The following USH2A variants were observed in gnomAD, a reference collection of about 807,000 sequenced individuals.
USH2A encodes Usher syndrome 2A (autosomal recessive, mild).
Under a neutral mutation model 538.9 loss-of-function variants are expected in USH2A, and 443 were observed. The observed-to-expected ratio is 0.82, with a 90% CI of 0.76 to 0.89. The LOEUF is 0.89. USH2A is among the 40% of genes least tolerant of loss of function. USH2A has a pLI of 0.00. For synonymous variants in USH2A, 2,413 were observed against 2,273.5 expected (o/e 1.06, Z -1.75); for missense variants, 6,633 against 6,324.8 (o/e 1.05, Z -1.65).
intron 49 of USH2A, among the ~76,000 whole-genome samples, chr1:215,806,262 C>T (rs970532903): frequency 2.0e-5 from 3 of 149,428 alleles, no homozygotes; most frequent in Admixed American, 6.6e-5. Context: ...CTTGAATCAA[C>T]ATATTTTTTG....
At chr1:216,094,160 A>G (rs747504700) in intron 22 of USH2A, among the ~76,000 whole-genome samples, 2 of 152,094 alleles carry the variant, frequency 1.3e-5, no homozygotes, top group Non-Finnish European at 2.9e-5. Flanking sequence ...ACAGTCTTCT[A>G]TTTTACTGTA....
Position 216,046,441 on chromosome 1 carries a change from G to A in USH2A, c.6315C>T (p.Tyr2105=). 1 of 1,613,436 alleles carries A rather than the reference G, an allele frequency of 6.2e-7. No individual in the cohort carries two copies. The highest frequency in any genetic ancestry group is 8.5e-7 in the Non-Finnish European group (1 of 1,179,540). ...CTCTAGAGGTCTTACCTGTGACTAT[G>A]TAGTTCTCCTCACTGCCTGAATAGA... ...RLIYSGSEEN[Y]IVTDLAVFTP... Residue 2105 remains tyrosine (Y), a synonymous_variant, in exon 32 of 72, where the codon TAC becomes TAT. Transcript: ENST00000307340.
intron 3 of USH2A, among the ~76,000 whole-genome samples, chr1:216,387,791 C>T (rs2039031658): frequency 6.6e-6 from 1 of 152,064 alleles, no homozygotes; most frequent in Non-Finnish European, 1.5e-5. Flanking sequence ...AAATGAAGAC[C>T]CTTATTTTAA....
intron 21 of USH2A, among the ~76,000 whole-genome samples, chr1:216,152,983 C>T (rs1249639593): frequency 6.6e-6 from 1 of 152,142 alleles, no homozygotes; most frequent in African/African-American, 2.4e-5. Context: ...AAAGGAGCAT[C>T]TGAACATTGA....
At chr1:215,642,154 T>TA (rs1656706638) in intron 67 of USH2A, among the ~76,000 whole-genome samples, 4 of 152,210 alleles carry the variant, frequency 2.6e-5, no homozygotes, top group African/African-American at 9.6e-5. Flanking sequence ...GCAATTAAAA[T>TA]AATCGAGAAT....
At position 215,652,814 on chromosome 1, in the gene USH2A, T is replaced by A. The variant is rs540631856; in HGVS notation, c.14134-2013A>T. Among the ~76,000 whole-genome samples the A allele has an allele frequency of 1.4e-4, 22 of 152,330 alleles. 1 individual carries two copies. The South Asian group carries it at 4.6e-3, about 32-fold the overall frequency. On this transcript the variant is annotated intron_variant, in intron 64 of 71. Coordinates refer to ENST00000307340, the MANE Select transcript of USH2A (RefSeq NM_206933.4). The stretch of plus-strand genomic sequence containing the variant: ...ATGCAAAGTAAGGTGCAAATATTGA[T>A]ATGACGTTTTTTGCCAAGAGCAGAA...
At chr1:215,832,243 T>A (rs919694227) in intron 47 of USH2A, among the ~76,000 whole-genome samples, 12 of 151,976 alleles carry the variant, frequency 7.9e-5, no homozygotes, top group Non-Finnish European at 1.5e-4. Context: ...TACAATCTCT[T>A]CCACAAAATA....
chr1:215,727,404 GA>G (rs2102712613), intron 61 of USH2A, among the ~76,000 whole-genome samples: 1 of 152,144 alleles, frequency 6.6e-6, no homozygotes, highest in African/African-American at 2.4e-5. Flanking sequence ...CCATTTAGTA[GA>G]CATGGAAAAT....
chr1:215,758,108 A>G (rs1014256491), intron 58 of USH2A, among the ~76,000 whole-genome samples: 1 of 152,074 alleles, frequency 6.6e-6, no homozygotes, highest in Admixed American at 6.6e-5. Flanking sequence ...ACATGGAGAA[A>G]CACTGTCTCT....
At chr1:216,012,597 C>T (rs1668602499) in intron 32 of USH2A, among the ~76,000 whole-genome samples, 2 of 152,086 alleles carry the variant, frequency 1.3e-5, no homozygotes, top group Non-Finnish European at 2.9e-5. Flanking sequence ...ATCAGCCAAG[C>T]AGTTTTTCAG....
chr1:215,934,840 T>C (rs1666454476), intron 37 of USH2A, 45 bp from the exon 38 acceptor site: 18 of 1,513,898 alleles, frequency 1.2e-5, no homozygotes, highest in Non-Finnish European at 1.5e-5. Context: ...TATTTAAGAA[T>C]TCATTCCTGC....
chr1:216,374,705 T>A (rs2038784764), intron 3 of USH2A, among the ~76,000 whole-genome samples: 1 of 152,148 alleles, frequency 6.6e-6, no homozygotes, highest in African/African-American at 2.4e-5. Context: ...AATTAATTAC[T>A]CTCAATATGT....
chr1:215,674,283 C>T lies in USH2A; in HGVS notation c.13628G>A (p.Arg4543Lys). Residue 4543 changes from arginine to lysine, a missense_variant, in exon 63 of 72, where the codon AGG becomes AAG. Transcript: ENST00000307340. ...SGMEPPKLQA[R>K]GPQEILVNWD... Reference sequence around the variant, plus strand: ...GTTCACTAAGATCTCCTGAGGACCCCTGGCCTGCAATTTTGGAGGTTCCAT... The same window carrying T: ...GTTCACTAAGATCTCCTGAGGACCCTTGGCCTGCAATTTTGGAGGTTCCAT... 6.2e-7 allele frequency: 1 copy of T among 1,614,114 alleles called. No individual in the cohort carries two copies. Among genetic ancestry groups the T allele is most frequent in the Non-Finnish European group, 8.5e-7 (1 of 1,180,008 alleles).
chr1:216,205,929 G>T (rs2035102611), intron 16 of USH2A, among the ~76,000 whole-genome samples: 2 of 152,094 alleles, frequency 1.3e-5, no homozygotes, highest in Admixed American at 6.5e-5. Flanking sequence ...CTAATAATTT[G>T]ATTTCTATAA....
At chr1:215,722,018 T>C (rs992558354) in intron 61 of USH2A, among the ~76,000 whole-genome samples, 4 of 150,162 alleles carry the variant, frequency 2.7e-5, no homozygotes, top group Non-Finnish European at 4.4e-5. Flanking sequence ...TGAGCTATGA[T>C]GGTGCCACTG....
chr1:215,743,373 T>TAC (rs774373596), intron 58 of USH2A, 38 bp from the exon 59 acceptor site: 2 of 406,326 alleles, frequency 4.9e-6, no homozygotes, highest in Non-Finnish European at 7.9e-6. Context: ...ATTAAAAACA[T>TAC]ATATATATAT....
intron 61 of USH2A, among the ~76,000 whole-genome samples, chr1:215,709,893 A>T (rs2066404): frequency 3.3e-5 from 5 of 152,106 alleles, no homozygotes; most frequent in South Asian, 2.1e-4. Flanking sequence ...GACTATTTCT[A>T]GGGTTGAATG....
At position 216,388,225 on chromosome 1, in the gene USH2A, T is replaced by C. The variant is rs367979132; in HGVS notation, c.652-23140A>G. ...CATCTGTCCAAAATGTGTCTTCAGATTGAGAAGGGAATAAAACAAGTAAAT... is the reference window on the plus strand; with the variant it reads ...CATCTGTCCAAAATGTGTCTTCAGACTGAGAAGGGAATAAAACAAGTAAAT... On this transcript the variant is annotated intron_variant, in intron 3 of 71. Coordinates refer to ENST00000307340, the MANE Select transcript of USH2A (RefSeq NM_206933.4). Among the ~76,000 whole-genome samples, 15 of 152,320 alleles carry C rather than the reference T, an allele frequency of 9.8e-5. 1 individual carries two copies. The highest frequency in any genetic ancestry group is 3.9e-4 in the Admixed American group (6 of 15,304).
intron 32 of USH2A, among the ~76,000 whole-genome samples, chr1:216,024,250 C>T (rs998348003): frequency 1.3e-5 from 2 of 152,010 alleles, no homozygotes; most frequent in Non-Finnish European, 2.9e-5. Flanking sequence ...TTTGTGTAAA[C>T]ATGAGTGAAT....
Sources: allele counts gnomAD v4.1 joint callset (sites outside exome capture counted in the v4.1 genomes callset), GRCh38; gene constraint gnomAD v4.1.1; transcripts MANE v1.5; gene names NCBI Gene and HGNC (gene_info 2026-07-23, HGNC 2026-07-21).